Variants in BBS9 observed in about 807,000 individuals in gnomAD.
BBS9 encodes the protein Bardet-Biedl syndrome 9.
In BBS9, 89 loss-of-function variants were observed where a neutral mutation model predicts 117.7. The observed-to-expected ratio is 0.76, with a 90% CI of 0.64 to 0.90. The LOEUF is 0.90. Among genes scored for constraint, BBS9 ranks in the 40% least tolerant of loss-of-function variants. The probability of loss-of-function intolerance (pLI) is 0.00; values close to 1 mark genes in which losing one functional copy is unlikely to be tolerated. For synonymous variants in BBS9, 379 were observed against 370.9 expected (o/e 1.02, Z -0.25); for missense variants, 982 against 1,042.2 (o/e 0.94, Z 0.80).
At chr7:33,346,720 TA>T (rs1376889846) in intron 12 of BBS9, among the ~76,000 whole-genome samples, 1 of 152,224 alleles carries the variant, frequency 6.6e-6, no homozygotes, top group Non-Finnish European at 1.5e-5. Flanking sequence ...ATTGTGCAAC[TA>T]AACCAAATGC....
chr7:33,359,562 A>G (rs914056771), intron 16 of BBS9, among the ~76,000 whole-genome samples: 1 of 152,106 alleles, frequency 6.6e-6, no homozygotes. Flanking sequence ...TATATATGAT[A>G]TAGAGTGGTT....
chr7:33,386,072 T>C (rs1825951882), intron 18 of BBS9, among the ~76,000 whole-genome samples: 1 of 152,082 alleles, frequency 6.6e-6, no homozygotes, highest in Non-Finnish European at 1.5e-5. Flanking sequence ...ATGGCACATG[T>C]ATACATATGT....
intron 16 of BBS9, among the ~76,000 whole-genome samples, chr7:33,366,334 T>A (rs1205642133): frequency 6.6e-6 from 1 of 152,060 alleles, no homozygotes; most frequent in Admixed American, 6.6e-5. Flanking sequence ...GGTATGCCGA[T>A]ATAACCAGCC....
At chr7:33,273,661 C>CT (rs1383546240) in intron 8 of BBS9, among the ~76,000 whole-genome samples, 166 bp from the exon 9 acceptor site, 1 of 151,998 alleles carries the variant, frequency 6.6e-6, no homozygotes, top group Admixed American at 6.6e-5. Context: ...TGATTCCTTT[C>CT]TTTTTTATAC....
chr7:33,479,552 GA>G (rs1488994218), intron 19 of BBS9, among the ~76,000 whole-genome samples: 1 of 152,094 alleles, frequency 6.6e-6, no homozygotes, highest in African/African-American at 2.4e-5. Context: ...TTGCTATTGT[GA>G]ATAGCATTGC....
chr7:33,306,344 G>A (rs1197185637), intron 9 of BBS9, among the ~76,000 whole-genome samples: 1 of 151,870 alleles, frequency 6.6e-6, no homozygotes, highest in Non-Finnish European at 1.5e-5. Flanking sequence ...CTATAATGAA[G>A]GCCATCATGC....
intron 14 of BBS9, chr7:33,351,534 T>G: frequency 1.8e-6 from 1 of 560,850 alleles, no homozygotes; most frequent in Non-Finnish European, 3.2e-6. Context: ...TAATGTTTGG[T>G]TCCCTCTTTT....
chr7:33,277,591 A>G (rs1033711082), intron 9 of BBS9, among the ~76,000 whole-genome samples: 1 of 152,180 alleles, frequency 6.6e-6, no homozygotes, highest in African/African-American at 2.4e-5. Flanking sequence ...ACTGAAATCA[A>G]TCTCATTGAA....
Position 33,264,381 on chromosome 7 carries a change from C to A in BBS9, c.702+7C>A, listed in dbSNP as rs1054337414. The A allele has an allele frequency of 6.5e-7, 1 of 1,546,260 alleles. No individual in the cohort carries two copies. Among genetic ancestry groups the A allele is most frequent in the South Asian group, 1.2e-5 (1 of 81,544 alleles). On this transcript the variant is annotated splice_region_variant and intron_variant, in intron 7 of 22. Coordinates refer to ENST00000242067, the MANE Select transcript of BBS9 (RefSeq NM_198428.3). ...TTCTGGAAAAAGACTAGTTGTAAGGCCTTTTTTTAATATATAAAAATTTCA... is the reference window on the plus strand; with the variant it reads ...TTCTGGAAAAAGACTAGTTGTAAGGACTTTTTTTAATATATAAAAATTTCA...
intron 20 of BBS9, 53 bp downstream of exon 20, chr7:33,505,698 C>T: frequency 1.9e-6 from 3 of 1,585,842 alleles, no homozygotes; most frequent in Middle Eastern, 2.2e-4. Flanking sequence ...GAAGTTTCGG[C>T]TTTAGGAAGA....
intron 4 of BBS9, among the ~76,000 whole-genome samples, chr7:33,175,179 C>G (rs1436380503): frequency 1.3e-5 from 2 of 152,042 alleles, no homozygotes; most frequent in East Asian, 3.9e-4. Flanking sequence ...TGGCAGGTGC[C>G]TGTAATCCCA....
chr7:33,183,692 T>C (rs1261610140), intron 5 of BBS9, among the ~76,000 whole-genome samples: 1 of 152,170 alleles, frequency 6.6e-6, no homozygotes, highest in African/African-American at 2.4e-5. Flanking sequence ...TTTTTAGAGC[T>C]CTGACATAAA....
intron 7 of BBS9, among the ~76,000 whole-genome samples, chr7:33,266,997 C>A (rs1353669453): frequency 6.6e-6 from 1 of 152,102 alleles, no homozygotes; most frequent in Non-Finnish European, 1.5e-5. Flanking sequence ...CCTGCCTTGG[C>A]CTCCCAAAGT....
rs183624082 is a variant in BBS9 at position 33,350,131 on chromosome 7, A to G, written c.1432+961A>G. Among the ~76,000 whole-genome samples, 367 of 152,288 alleles carry G rather than the reference A, an allele frequency of 2.4e-3. 2 individuals carry two copies. Among genetic ancestry groups the G allele is most frequent in the Non-Finnish European group, 3.9e-3 (263 of 68,024 alleles). On this transcript the variant is annotated intron_variant, in intron 13 of 22. Transcript: ENST00000242067. ...AATTGTCATTAGTCCTGTTAAGATA[A>G]TCTGAACTACCTTTCAAGTCTTTTT...
chr7:33,227,705 G>A (rs564250707), intron 5 of BBS9, among the ~76,000 whole-genome samples: 1 of 151,954 alleles, frequency 6.6e-6, no homozygotes, highest in Non-Finnish European at 1.5e-5. Flanking sequence ...GACAACATAC[G>A]ATATTTGGTT....
At chr7:33,512,499 T>A (rs1847110006) in intron 20 of BBS9, among the ~76,000 whole-genome samples, 1 of 152,360 alleles carries the variant, frequency 6.6e-6, no homozygotes, top group Admixed American at 6.5e-5. Context: ...AGGATTTAAA[T>A]GTGAATAAGG....
intron 21 of BBS9, among the ~76,000 whole-genome samples, chr7:33,572,641 G>A (rs1858006120): frequency 1.3e-5 from 2 of 152,050 alleles, no homozygotes; most frequent in Admixed American, 1.3e-4. Flanking sequence ...CATTTTAACT[G>A]GAGTGAGATG....
chr7:33,427,111 T>C (rs1833776295), intron 19 of BBS9, among the ~76,000 whole-genome samples: 1 of 152,160 alleles, frequency 6.6e-6, no homozygotes, highest in Admixed American at 6.5e-5. Context: ...AGATGTCACC[T>C]TCTTGGCCCT....
At chr7:33,135,659 C>T (rs2128060663) in intron 1 of BBS9, among the ~76,000 whole-genome samples, 1 of 152,234 alleles carries the variant, frequency 6.6e-6, no homozygotes, top group East Asian at 1.9e-4. Context: ...TTTTGCTATT[C>T]TGGGTCCCTG....
Sources: allele counts gnomAD v4.1 joint callset (sites outside exome capture counted in the v4.1 genomes callset), GRCh38; gene constraint gnomAD v4.1.1; transcripts MANE v1.5; gene names NCBI Gene and HGNC (gene_info 2026-07-23, HGNC 2026-07-21).